The following MLLT3 variants were observed in gnomAD, a reference collection of about 807,000 sequenced individuals.
MLLT3 encodes protein AF-9.
In MLLT3, 4 loss-of-function variants were observed where a neutral mutation model predicts 53.2. That is an observed-to-expected ratio of 0.08 (90% CI 0.04 to 0.17). MLLT3 has a LOEUF of 0.17. Ranked by LOEUF, MLLT3 falls within the 10% of genes least tolerant of loss-of-function variation. MLLT3 has a pLI of 1.00. For missense variants in MLLT3, 569 were observed against 684.0 expected, an observed-to-expected ratio of 0.83 and a Z score of 1.87; for synonymous variants, 283 against 230.6, an observed-to-expected ratio of 1.23 and a Z score of -2.06.
At chr9:20,543,039 A>C (rs974320963) in intron 2 of MLLT3, among the ~76,000 whole-genome samples, 2 of 152,192 alleles carry the variant, frequency 1.3e-5, no homozygotes, top group African/African-American at 4.8e-5. Flanking sequence ...CACTCCTCTC[A>C]GCCTTCAAAG....
chr9:20,465,574 G>C (rs1217484770), intron 2 of MLLT3, among the ~76,000 whole-genome samples: 1 of 152,110 alleles, frequency 6.6e-6, no homozygotes, highest in African/African-American at 2.4e-5. Flanking sequence ...CCATTTCTGA[G>C]TTTTAAAAAA....
At chr9:20,367,159 C>T (rs1323409126) in intron 5 of MLLT3, among the ~76,000 whole-genome samples, 1 of 151,982 alleles carries the variant, frequency 6.6e-6, no homozygotes, top group Non-Finnish European at 1.5e-5. Flanking sequence ...GAGTGTCATA[C>T]ACACACCCCA....
intron 2 of MLLT3, among the ~76,000 whole-genome samples, chr9:20,489,999 G>A (rs550251435): frequency 6.6e-6 from 1 of 152,230 alleles, no homozygotes; most frequent in Non-Finnish European, 1.5e-5. Flanking sequence ...CAAACTGTAA[G>A]GTGCTAAGGA....
intron 5 of MLLT3, among the ~76,000 whole-genome samples, chr9:20,382,038 AGAG>A (rs1475716327): frequency 2.6e-5 from 4 of 152,042 alleles, no homozygotes; most frequent in Non-Finnish European, 5.9e-5. Flanking sequence ...TGCTGAAGTC[AGAG>A]GAGAAGGGTA....
At chr9:20,592,072 A>T (rs1161649855) in intron 2 of MLLT3, among the ~76,000 whole-genome samples, 2 of 152,222 alleles carry the variant, frequency 1.3e-5, no homozygotes, top group African/African-American at 4.8e-5. Flanking sequence ...CAAGTGATTA[A>T]GAGATCAGAA....
Position 20,457,912 on chromosome 9 carries a change from T to C in MLLT3, c.194-1126A>G, listed in dbSNP as rs1457543422. Among the ~76,000 whole-genome samples the C allele has an allele frequency of 2.6e-5, 4 of 152,154 alleles. No homozygotes were observed. In the East Asian group the frequency reaches 5.8e-4, roughly 22 times the overall value. Reference sequence around the variant, plus strand: ...TTTTGGTGGTATCACAAAGTAAACATGTACATGCCAAATATCAAGGCCACA... The same window carrying C: ...TTTTGGTGGTATCACAAAGTAAACACGTACATGCCAAATATCAAGGCCACA... On this transcript the variant is annotated intron_variant, in intron 2 of 10. Coordinates refer to ENST00000380338, the MANE Select transcript of MLLT3 (RefSeq NM_004529.4).
chr9:20,432,376 T>A (rs529806836), intron 4 of MLLT3, among the ~76,000 whole-genome samples: 1 of 151,926 alleles, frequency 6.6e-6, no homozygotes, highest in African/African-American at 2.4e-5. Flanking sequence ...GTTACTAATA[T>A]ATTCTTACCT....
In MLLT3 at chr9:20,346,015, G is replaced by C. The variant is rs1820856723; in HGVS notation, c.*428C>G. The C allele has an allele frequency of 4.2e-6, 1 of 235,746 alleles. No individual in the cohort carries two copies. Among genetic ancestry groups the C allele is most frequent in the Admixed American group, 5.4e-5 (1 of 18,616 alleles). 14.6% of individuals were successfully genotyped at this position (235,746 alleles called of 1,614,324 possible). A position where few individuals can be genotyped will look rare whatever the true frequency, so the allele number is the denominator to read the frequency against. On this transcript the variant is annotated 3_prime_UTR_variant, in exon 11 of 11. Transcript: ENST00000380338. The stretch of plus-strand genomic sequence containing the variant: ...ATGGTGTCATTCCCTCAACGACTTA[G>C]AATATCTGTATGCGATAATAAATAG...
intron 4 of MLLT3, among the ~76,000 whole-genome samples, chr9:20,436,998 A>G (rs991142004): frequency 1.3e-5 from 2 of 152,126 alleles, no homozygotes; most frequent in African/African-American, 4.8e-5. Flanking sequence ...GAGCAAACAG[A>G]CTGATAGAGA....
In MLLT3 at chr9:20,342,822, T is replaced by C; in HGVS notation, c.*3621A>G. 1 of 161,192 alleles carries C rather than the reference T, an allele frequency of 6.2e-6. No individual in the cohort carries two copies. Among genetic ancestry groups the C allele is most frequent in the Non-Finnish European group, 1.2e-5 (1 of 83,352 alleles). The allele number at this position is 161,192 out of a possible 1,614,324, so 10.0% of individuals were successfully genotyped here. A position where few individuals can be genotyped will look rare whatever the true frequency, so the allele number is the denominator to read the frequency against. ...ACAGTCCAAAGCAAGATTACTCTGA[T>C]AATATATATGTGTATATATATATAT... On this transcript the variant is annotated 3_prime_UTR_variant, in exon 11 of 11. Transcript: ENST00000380338.
intron 2 of MLLT3, among the ~76,000 whole-genome samples, chr9:20,604,549 G>A (rs758802391): frequency 2.0e-5 from 3 of 151,940 alleles, no homozygotes; most frequent in Non-Finnish European, 2.9e-5. Flanking sequence ...CTACCTTCCT[G>A]TAAATCAGAA....
intron 2 of MLLT3, among the ~76,000 whole-genome samples, chr9:20,484,270 C>G (rs1232203183): frequency 6.6e-6 from 1 of 152,092 alleles, no homozygotes; most frequent in African/African-American, 2.4e-5. Flanking sequence ...TTTAGGTCTA[C>G]TAAAAATTTT....
chr9:20,483,402 TA>T (rs1191652954), intron 2 of MLLT3, among the ~76,000 whole-genome samples: 1 of 150,880 alleles, frequency 6.6e-6, no homozygotes, highest in African/African-American at 2.5e-5. Context: ...TACACCTGGC[TA>T]TTTTTTTTTT....
intron 5 of MLLT3, among the ~76,000 whole-genome samples, chr9:20,409,143 A>C (rs888790267): frequency 5.3e-5 from 8 of 152,218 alleles, no homozygotes; most frequent in Non-Finnish European, 1.2e-4. Context: ...AAGATCATTA[A>C]AACTTTTTAC....
intron 2 of MLLT3, among the ~76,000 whole-genome samples, chr9:20,525,444 T>TGAGATCC (rs1332904168): frequency 3.3e-5 from 5 of 152,176 alleles, no homozygotes; most frequent in Non-Finnish European, 7.3e-5. Context: ...TACAGTGTGC[T>TGAGATCC]GAGATCCTGC....
At chr9:20,562,286 A>T (rs1354565146) in intron 2 of MLLT3, among the ~76,000 whole-genome samples, 2 of 152,210 alleles carry the variant, frequency 1.3e-5, no homozygotes, top group East Asian at 3.9e-4. Flanking sequence ...GACAGTAATT[A>T]AAAATGCGGT....
chr9:20,507,753 A>C (rs575300321), intron 2 of MLLT3, among the ~76,000 whole-genome samples: 10 of 151,766 alleles, frequency 6.6e-5, no homozygotes, highest in East Asian at 3.9e-4. Flanking sequence ...AAAAAAAAAA[A>C]AAAAAACAAA....
At chr9:20,606,760 G>T (rs1219751764) in intron 2 of MLLT3, among the ~76,000 whole-genome samples, 1 of 152,014 alleles carries the variant, frequency 6.6e-6, no homozygotes, top group Non-Finnish European at 1.5e-5. Context: ...ACTGCACCCT[G>T]TCTCTTTAAA....
In MLLT3 at chr9:20,397,451, T is replaced by C. The variant is rs377013163; in HGVS notation, c.1125+16270A>G. Among the ~76,000 whole-genome samples the C allele has an allele frequency of 5.3e-5, 8 of 152,242 alleles. No homozygotes were observed. In the East Asian group the frequency reaches 9.6e-4, roughly 18 times the overall value. On this transcript the variant is annotated intron_variant, in intron 5 of 10. Coordinates refer to ENST00000380338, the MANE Select transcript of MLLT3 (RefSeq NM_004529.4). ...AGAGTGAGTATGCTTTTCAGGCGAT[T>C]GGAGAGAATTGTTATCAGTGCAGGC...
Sources: gnomAD v4.1 joint callset for allele counts (sites outside exome capture counted in the v4.1 genomes callset) on GRCh38, gnomAD v4.1.1 for gene constraint, MANE v1.5 for transcripts, NCBI Gene and HGNC (gene_info 2026-07-23, HGNC 2026-07-21) for gene names.